The following ARHGAP40 variants were observed in gnomAD, a reference collection of about 807,000 sequenced individuals.
ARHGAP40 encodes the protein Rho GTPase activating protein 40.
In ARHGAP40, 43 loss-of-function variants were observed where a neutral mutation model predicts 73.5. That is an observed-to-expected ratio of 0.58 (90% confidence interval 0.46 to 0.75). The LOEUF is 0.75. ARHGAP40 is among the 30% of genes least tolerant of loss of function. The pLI is 0.00. For missense variants in ARHGAP40, 734 were observed against 861.8 expected, an observed-to-expected ratio of 0.85 and a Z score of 1.86; for synonymous variants, 300 against 352.8, an observed-to-expected ratio of 0.85 and a Z score of 1.68.
At chr20:38,648,995 G>A (rs766275064) in intron 14 of ARHGAP40, among the ~76,000 whole-genome samples, 2 of 152,218 alleles carry the variant, frequency 1.3e-5, no homozygotes, top group African/African-American at 2.4e-5. Flanking sequence ...CAGTGAAACC[G>A]ACGCCTCTGG....
intron 3 of ARHGAP40, 80 bp downstream of exon 3, chr20:38,627,295 TCC>T: frequency 2.4e-6 from 3 of 1,232,848 alleles, no homozygotes; most frequent in Non-Finnish European, 3.2e-6. Context: ...GATGCAGTGA[TCC>T]TGCTGAAGGG....
At chr20:38,618,115 T>C (rs887858521) in intron 1 of ARHGAP40, among the ~76,000 whole-genome samples, 2 of 151,392 alleles carry the variant, frequency 1.3e-5, no homozygotes, top group East Asian at 1.9e-4. Flanking sequence ...TTTTTTTTTT[T>C]CTGAGACGGA....
exon 11 of ARHGAP40, chr20:38,643,861 C>A (rs1358360106): frequency 1.5e-6 from 2 of 1,305,170 alleles, no homozygotes; most frequent in African/African-American, 3.0e-5. Flanking sequence ...GCAGAAGGGG[C>A]AGCCGAGGTG....
intron 1 of ARHGAP40, chr20:38,615,259 C>T: frequency 1.3e-6 from 1 of 769,664 alleles, no homozygotes; most frequent in East Asian, 2.4e-5. Flanking sequence ...CCCTCATCTT[C>T]TCCAACTTTT....
At chr20:38,649,842 C>A in exon 15 of ARHGAP40, 1 of 1,305,286 alleles carries the variant, frequency 7.7e-7, no homozygotes. Flanking sequence ...AACAGAACCC[C>A]ACCTAAACCC....
intron 6 of ARHGAP40, among the ~76,000 whole-genome samples, chr20:38,637,395 T>C (rs1005423399): frequency 2.0e-5 from 3 of 152,126 alleles, no homozygotes; most frequent in Non-Finnish European, 4.4e-5. Flanking sequence ...GTGATCCGCC[T>C]GTCTCAGCCT....
At chr20:38,650,103 A>C in exon 15 of ARHGAP40, 1 of 359,312 alleles carries the variant, frequency 2.8e-6, no homozygotes, top group Non-Finnish European at 5.4e-6. Context: ...CCCTGGAAGA[A>C]CTGGACAGAG....
In ARHGAP40 at chr20:38,641,720, C is replaced by T. The variant is rs1488371663; in HGVS notation, c.1280-6C>T. ...CATGGAGACTGAGGTCCCTCCCTTCCCGCAGACATCCCCAACCTGAAGCAG... is the reference window on the plus strand; with the variant it reads ...CATGGAGACTGAGGTCCCTCCCTTCTCGCAGACATCCCCAACCTGAAGCAG... On this transcript the variant is annotated splice_polypyrimidine_tract_variant and splice_region_variant and intron_variant, in intron 9 of 14. Coordinates refer to ENST00000373345, the Ensembl canonical transcript of ARHGAP40. The T allele has an allele frequency of 7.7e-7, 1 of 1,296,160 alleles. No individual in the cohort carries two copies. The highest frequency in any genetic ancestry group is 1.3e-5 in the South Asian group (1 of 79,092). The allele number at this position is 1,296,160 out of a possible 1,614,324, so 80.3% of individuals were successfully genotyped here. A position where few individuals can be genotyped will look rare whatever the true frequency, so the allele number is the denominator to read the frequency against.
chr20:38,615,292 G>A, intron 1 of ARHGAP40: 3 of 772,918 alleles, frequency 3.9e-6, no homozygotes, highest in Non-Finnish European at 7.2e-6. Flanking sequence ...ACTCCGGAGG[G>A]AGCAGTCGAC....
chr20:38,614,965 T>C, intron 1 of ARHGAP40: 1 of 1,237,096 alleles, frequency 8.1e-7, no homozygotes. Context: ...TGTGCGAGTT[T>C]GTACGTGTGG....
rs888647249 is a variant in ARHGAP40, at chr20:38,629,068, A to G, written c.634+66A>G. 3 of 1,196,750 alleles carry G rather than the reference A, an allele frequency of 2.5e-6. No individual in the cohort carries two copies. In the African/African-American group the frequency reaches 4.8e-5, roughly 19 times the overall value. The allele number at this position is 1,196,750 out of a possible 1,614,324, so 74.1% of individuals were successfully genotyped here. Reference sequence around the variant, plus strand: ...GGCTGCATAAAGGGCTGCTCTGTGAAGTAAGAGAATGTGCACACCTCCCAG... The same window carrying G: ...GGCTGCATAAAGGGCTGCTCTGTGAGGTAAGAGAATGTGCACACCTCCCAG... On this transcript the variant is annotated intron_variant, in intron 4 of 14. Transcript: ENST00000373345.
Position 38,617,990 on chromosome 20 carries a change from G to A in ARHGAP40, c.138-5369G>A, listed in dbSNP as rs112673459. Among the ~76,000 whole-genome samples, 962 of 152,292 alleles carry A rather than the reference G, an allele frequency of 6.3e-3. 12 individuals carry two copies. The highest frequency in any genetic ancestry group is 0.022 in the African/African-American group (927 of 41,540). ...TCTGTTAGCTTCATATTAAAATGAG[G>A]AAGCTAAGGTCCAGCCAGGTTTGGG... On this transcript the variant is annotated intron_variant, in intron 1 of 14. Transcript: ENST00000373345.
At chr20:38,636,828 ATTTTTTGGTTTGTTTTGGTTTGG>A (rs2088978064) in intron 6 of ARHGAP40, among the ~76,000 whole-genome samples, 1 of 151,956 alleles carries the variant, frequency 6.6e-6, no homozygotes, top group Admixed American at 6.6e-5. Context: ...ATGCATTGTG[ATTTTTTGGTTTGTTTTGGTTTGG>A]TTTTTTGGTT....
chr20:38,622,897 G>A (rs6128565), intron 1 of ARHGAP40, among the ~76,000 whole-genome samples: 1 of 152,126 alleles, frequency 6.6e-6, no homozygotes, highest in Admixed American at 6.6e-5. Flanking sequence ...GAGGAGATGA[G>A]GTGCTCCTGT....
intron 4 of ARHGAP40, 72 bp from the exon 5 acceptor site, chr20:38,629,430 C>T (rs1302358070): frequency 5.4e-6 from 7 of 1,287,890 alleles, no homozygotes; most frequent in Non-Finnish European, 5.1e-6. Flanking sequence ...GCCTAAGTCC[C>T]GAACCCAAGC....
At chr20:38,647,165 C>T (rs1032731586) in intron 13 of ARHGAP40, 39 bp downstream of exon 13, 1 of 1,288,394 alleles carries the variant, frequency 7.8e-7, no homozygotes, top group Non-Finnish European at 1.0e-6. Flanking sequence ...CTCTTCCCTG[C>T]AGGGAGGGCT....
intron 1 of ARHGAP40, chr20:38,614,902 C>T (rs1337894781): frequency 1.5e-6 from 2 of 1,344,652 alleles, no homozygotes; most frequent in East Asian, 2.3e-5. Flanking sequence ...CTGCCTGCAC[C>T]AGGCCTTTCT....
intron 6 of ARHGAP40, among the ~76,000 whole-genome samples, chr20:38,635,704 C>T (rs1178143249): frequency 6.6e-6 from 1 of 151,756 alleles, no homozygotes; most frequent in Non-Finnish European, 1.5e-5. Context: ...TTCATAATTC[C>T]ATTATATATA....
chr20:38,635,294 T>C (rs1235536184), intron 6 of ARHGAP40, among the ~76,000 whole-genome samples: 1 of 152,086 alleles, frequency 6.6e-6, no homozygotes, highest in Non-Finnish European at 1.5e-5. Flanking sequence ...AAGGAAAAAA[T>C]ATAATTCAGA....
Sources: allele counts gnomAD v4.1 joint callset (sites outside exome capture counted in the v4.1 genomes callset), GRCh38; gene constraint gnomAD v4.1.1; transcripts MANE v1.5; gene names NCBI Gene and HGNC (gene_info 2026-07-23, HGNC 2026-07-21).